ATP10A: variants seen among roughly 807,000 people sequenced by gnomAD.
ATP10A encodes ATPase phospholipid transporting 10A (putative).
In ATP10A, 111 loss-of-function variants were observed where a neutral mutation model predicts 147.8. The ratio of observed to expected loss-of-function variants is 0.75; its 90% confidence interval spans 0.64 to 0.88. ATP10A has a LOEUF of 0.88. Ranked by LOEUF, ATP10A falls within the 40% of genes least tolerant of loss-of-function variation. The pLI, the probability that ATP10A is intolerant of heterozygous loss-of-function variation, is 0.00. For synonymous variants in ATP10A, 875 were observed against 841.6 expected, an observed-to-expected ratio of 1.04 and a Z score of -0.69; for missense variants, 1,927 against 1,959.0, an observed-to-expected ratio of 0.98 and a Z score of 0.31.
chr15:25,721,822 C>T lies in ATP10A; in HGVS notation c.1198G>A (p.Asp400Asn). Residue 400 changes from aspartate to asparagine, a missense_variant, in exon 7 of 21, where the codon GAC becomes AAC. Transcript: ENST00000555815. Reference sequence around the variant, plus strand: ...TGCAGCTGCGAGTCTGTTTCTTCGTCATACAACTGCATGTCCTGGTTAATG... The same window carrying T: ...TGCAGCTGCGAGTCTGTTTCTTCGTTATACAACTGCATGTCCTGGTTAATG... ...YFINQDMQLY[D>N]EETDSQLQCR... 1 of 1,614,184 alleles carries T rather than the reference C, an allele frequency of 6.2e-7. No homozygotes were observed. Among genetic ancestry groups the T allele is most frequent in the Non-Finnish European group, 8.5e-7 (1 of 1,180,038 alleles).
rs779182037 is a variant in ATP10A at position 25,681,088 on chromosome 15, ACAAT to A, written c.3493-18_3493-15del. ...TGGCCGGTATTCCTGGGACACAAAA[ACAAT>A]CAGTGATGTTACAGTGAAGCATTGG... On this transcript the variant is annotated splice_polypyrimidine_tract_variant and intron_variant, in intron 17 of 20. Transcript: ENST00000555815. 16 of 1,609,902 alleles carry A rather than the reference ACAAT, an allele frequency of 9.9e-6. No individual in the cohort carries two copies. The East Asian group carries it at 1.3e-4, about 13-fold the overall frequency.
At chr15:25,834,243 G>A (rs113004814) in intron 1 of ATP10A, among the ~76,000 whole-genome samples, 2,565 of 152,224 alleles carry the variant, frequency 0.017, 42 homozygotes, top group Non-Finnish European at 0.026. Flanking sequence ...TGCAGAATGG[G>A]GAAAAGTTTT....
At chr15:25,714,491 A>AT (rs2140395651) in intron 9 of ATP10A, among the ~76,000 whole-genome samples, 1 of 152,210 alleles carries the variant, frequency 6.6e-6, no homozygotes, top group Non-Finnish European at 1.5e-5. Context: ...AATAATAATA[A>AT]AAAAAGAAAT....
chr15:25,739,681 C>T (rs1323923073), intron 2 of ATP10A, among the ~76,000 whole-genome samples: 1 of 152,214 alleles, frequency 6.6e-6, no homozygotes, highest in Non-Finnish European at 1.5e-5. Flanking sequence ...ACCCCAGCAT[C>T]TCAGACAAAA....
chr15:25,680,175 T>A lies in ATP10A; in HGVS notation c.3812A>T (p.Asp1271Val). ...CAGGCAAGTCAAGTAAAACACTGGG[T>A]CACCCAGTAAGGCTTGCATAGTCCA... ...PYWTMQALLGDPVFYLTCLMT... is the reference protein window; with the variant it reads ...PYWTMQALLGVPVFYLTCLMT... Residue 1271 changes from aspartate to valine, a missense_variant, in exon 20 of 21, where the codon GAC becomes GTC. Coordinates refer to ENST00000555815, the MANE Select transcript of ATP10A (RefSeq NM_024490.4). 6.2e-7 allele frequency: 1 copy of A among 1,613,982 alleles called. No individual in the cohort carries two copies. The highest frequency in any genetic ancestry group is 8.5e-7 in the Non-Finnish European group (1 of 1,180,004).
At chr15:25,738,186 C>T (rs146982369) in intron 2 of ATP10A, among the ~76,000 whole-genome samples, 3 of 152,180 alleles carry the variant, frequency 2.0e-5, no homozygotes, top group African/African-American at 7.2e-5. Flanking sequence ...ATCCCTCCAT[C>T]CACTCATGTC....
At chr15:25,721,208 T>C (rs4906752) in intron 7 of ATP10A, among the ~76,000 whole-genome samples, 149,638 of 152,290 alleles carry the variant, frequency 0.98, 73,576 homozygotes, top group East Asian at 1. Flanking sequence ...TTCATCTTTC[T>C]AGTTCCCAGG....
rs746209919 is a variant in ATP10A, at chr15:25,727,242, G to A, written c.765C>T (p.Ala255=). 70 of 1,613,864 alleles carry A rather than the reference G, an allele frequency of 4.3e-5. No homozygotes were observed. Among genetic ancestry groups the A allele is most frequent in the Non-Finnish European group, 5.2e-5 (61 of 1,179,984 alleles). The change falls in exon 4 of 21, where the codon GCC becomes GCT. Residue 255 remains alanine, a synonymous_variant. Coordinates refer to ENST00000555815, the MANE Select transcript of ATP10A (RefSeq NM_024490.4). ...GCIIHDNGKK[A]GLYKENLLLR... The stretch of plus-strand genomic sequence containing the variant: ...GCAGCAGGTTTTCTTTATACAGCCC[G>A]GCCTTTTTCCCGTTGTCATGTATGC...
chr15:25,751,968 C>T (rs1380494813), intron 2 of ATP10A, among the ~76,000 whole-genome samples: 1 of 149,658 alleles, frequency 6.7e-6, no homozygotes, highest in African/African-American at 2.5e-5. Context: ...ATGAGATTTG[C>T]TATCCTACCT....
At chr15:25,719,013 C>T (rs1281972432) in intron 7 of ATP10A, among the ~76,000 whole-genome samples, 1 of 152,210 alleles carries the variant, frequency 6.6e-6, no homozygotes, top group African/African-American at 2.4e-5. Flanking sequence ...CTGGTGAACG[C>T]TGGGCAAATC....
chr15:25,731,094 C>G (rs769780101), intron 3 of ATP10A, among the ~76,000 whole-genome samples: 2 of 152,178 alleles, frequency 1.3e-5, no homozygotes, highest in African/African-American at 2.4e-5. Context: ...CTTTACTAAC[C>G]ACCGTCTCTG....
At chr15:25,858,374 A>T (rs1458968230) in intron 1 of ATP10A, among the ~76,000 whole-genome samples, 1 of 152,164 alleles carries the variant, frequency 6.6e-6, no homozygotes, top group Non-Finnish European at 1.5e-5. Context: ...TATGCCATGA[A>T]AGAGCCAAGG....
At chr15:25,693,808 T>C (rs1294969219) in intron 14 of ATP10A, among the ~76,000 whole-genome samples, 1 of 152,128 alleles carries the variant, frequency 6.6e-6, no homozygotes, top group Non-Finnish European at 1.5e-5. Context: ...CAGTGCTCGC[T>C]CTCCTCACTG....
chr15:25,844,909 T>C (rs1311923367), intron 1 of ATP10A, among the ~76,000 whole-genome samples: 1 of 152,136 alleles, frequency 6.6e-6, no homozygotes, highest in Non-Finnish European at 1.5e-5. Context: ...GTTCTCCCTG[T>C]CCCTCCCATC....
intron 2 of ATP10A, among the ~76,000 whole-genome samples, chr15:25,746,979 T>A (rs550527984): frequency 6.6e-6 from 1 of 152,242 alleles, no homozygotes; most frequent in South Asian, 2.1e-4. Flanking sequence ...AAAAACTTCT[T>A]GTCTTAAGTA....
At chr15:25,818,458 A>C (rs1299302029) in intron 1 of ATP10A, among the ~76,000 whole-genome samples, 1 of 152,184 alleles carries the variant, frequency 6.6e-6, no homozygotes, top group Non-Finnish European at 1.5e-5. Context: ...AGATGACACA[A>C]ACATGGAAAA....
At chr15:25,805,372 A>G (rs530439661) in intron 1 of ATP10A, among the ~76,000 whole-genome samples, 1 of 152,354 alleles carries the variant, frequency 6.6e-6, no homozygotes, top group African/African-American at 2.4e-5. Context: ...CATTGTTGAA[A>G]AAAGGTCCTT....
chr15:25,784,267 C>T (rs900966688), intron 1 of ATP10A, among the ~76,000 whole-genome samples: 32 of 152,172 alleles, frequency 2.1e-4, no homozygotes, highest in African/African-American at 5.3e-4. Context: ...GGCTTTGTTG[C>T]GATGGGGTCC....
intron 9 of ATP10A, among the ~76,000 whole-genome samples, chr15:25,715,669 C>G (rs1443183826): frequency 2.6e-5 from 4 of 152,258 alleles, no homozygotes; most frequent in African/African-American, 4.8e-5. Context: ...GCCTAAGCCT[C>G]AAGCCTGCTG....
Sources: gnomAD v4.1 joint callset for allele counts (sites outside exome capture counted in the v4.1 genomes callset) on GRCh38, gnomAD v4.1.1 for gene constraint, MANE v1.5 for transcripts, NCBI Gene and HGNC (gene_info 2026-07-23, HGNC 2026-07-21) for gene names.